Variants in PDE4D observed in about 807,000 individuals in gnomAD.
PDE4D encodes the protein 3',5'-cyclic-AMP phosphodiesterase 4D.
In PDE4D, 24 loss-of-function variants were observed where a neutral mutation model predicts 87.4. That is an observed-to-expected ratio of 0.27 (90% CI 0.20 to 0.39). PDE4D has a LOEUF of 0.39. PDE4D is among the 10% of genes least tolerant of loss of function. The pLI is 1.00. For synonymous variants in PDE4D, 384 were observed against 383.2 expected (o/e 1.00, Z -0.02); for missense variants, 714 against 1,041.0 (o/e 0.69, Z 4.32).
chr5:59,459,936 T>C (rs1233625941), intron 1 of PDE4D, among the ~76,000 whole-genome samples: 3 of 152,104 alleles, frequency 2.0e-5, no homozygotes, highest in African/African-American at 4.8e-5. Context: ...TGTTAAGACA[T>C]AAAACCAAGA....
At chr5:59,595,405 C>A (rs1284737259) in intron 1 of PDE4D, among the ~76,000 whole-genome samples, 1 of 152,156 alleles carries the variant, frequency 6.6e-6, no homozygotes, top group African/African-American at 2.4e-5. Context: ...AGAAGCAAGT[C>A]ATCCATAATT....
At chr5:59,315,053 T>C (rs1309010518) in intron 1 of PDE4D, among the ~76,000 whole-genome samples, 1 of 152,148 alleles carries the variant, frequency 6.6e-6, no homozygotes, top group Non-Finnish European at 1.5e-5. Flanking sequence ...ATCCAATCTG[T>C]GAGATGGGAG....
intron 6 of PDE4D, among the ~76,000 whole-genome samples, chr5:59,004,943 G>T (rs1028048998): frequency 1.3e-5 from 2 of 152,186 alleles, no homozygotes. Flanking sequence ...CTCATCCAGG[G>T]TGGAGGATCT....
At chr5:59,127,267 TTCA>T (rs776824264) in intron 5 of PDE4D, among the ~76,000 whole-genome samples, 10 of 152,222 alleles carry the variant, frequency 6.6e-5, no homozygotes, top group Non-Finnish European at 1.0e-4. Flanking sequence ...TTGTAATCTC[TTCA>T]TCAACACACA....
intron 1 of PDE4D, among the ~76,000 whole-genome samples, chr5:59,445,355 G>A (rs1229610664): frequency 6.6e-6 from 1 of 152,080 alleles, no homozygotes; most frequent in Admixed American, 6.5e-5. Flanking sequence ...CTCCCCCAAT[G>A]GTACTGACAT....
At chr5:60,384,837 G>C (rs1029495677) in intron 1 of PDE4D, among the ~76,000 whole-genome samples, 4 of 152,114 alleles carry the variant, frequency 2.6e-5, no homozygotes, top group African/African-American at 9.7e-5. Context: ...ACTGTCCATG[G>C]AAATACCTCA....
At chr5:60,177,817 G>A (rs1280426541) in intron 2 of PDE4D, among the ~76,000 whole-genome samples, 1 of 152,100 alleles carries the variant, frequency 6.6e-6, no homozygotes, top group Non-Finnish European at 1.5e-5. Flanking sequence ...TTCACCCAAA[G>A]TCATGTAACG....
intron 1 of PDE4D, among the ~76,000 whole-genome samples, chr5:59,374,896 G>A (rs1784465102): frequency 6.6e-6 from 1 of 152,142 alleles, no homozygotes; most frequent in African/African-American, 2.4e-5. Context: ...CAATTACATG[G>A]AAATTGAATG....
At chr5:60,465,352 T>C (rs1161004315) in intron 1 of PDE4D, among the ~76,000 whole-genome samples, 1 of 152,176 alleles carries the variant, frequency 6.6e-6, no homozygotes, top group Non-Finnish European at 1.5e-5. Context: ...TCACCCTCCA[T>C]AAGTCAAGAC....
chr5:59,708,486 C>T (rs1234055865), intron 1 of PDE4D, among the ~76,000 whole-genome samples: 1 of 152,098 alleles, frequency 6.6e-6, no homozygotes, highest in Non-Finnish European at 1.5e-5. Flanking sequence ...ATGTAAGACG[C>T]TTATCACAAT....
chr5:59,000,392 T>C (rs1364612918), intron 6 of PDE4D, among the ~76,000 whole-genome samples: 2 of 152,216 alleles, frequency 1.3e-5, no homozygotes, highest in Non-Finnish European at 2.9e-5. Context: ...GAAATGACTG[T>C]AGTTCTCCCC....
intron 2 of PDE4D, among the ~76,000 whole-genome samples, chr5:60,072,243 T>C (rs960738148): frequency 6.6e-6 from 1 of 152,232 alleles, no homozygotes; most frequent in Non-Finnish European, 1.5e-5. Context: ...TCTCGTGGTT[T>C]TGACTTGCAT....
chr5:59,322,312 G>A (rs1774865471), intron 1 of PDE4D, among the ~76,000 whole-genome samples: 1 of 152,084 alleles, frequency 6.6e-6, no homozygotes, highest in Non-Finnish European at 1.5e-5. Context: ...AACCTCTAGA[G>A]GAATGAACTG....
chr5:59,693,361 T>A (rs11949859), intron 1 of PDE4D, among the ~76,000 whole-genome samples: 1 of 151,950 alleles, frequency 6.6e-6, no homozygotes, highest in African/African-American at 2.4e-5. Context: ...ACCTGCAATG[T>A]TTTCCACTGC....
At chr5:60,517,652 CCT>C (rs1008566516) in intron 1 of PDE4D, among the ~76,000 whole-genome samples, 15 of 148,906 alleles carry the variant, frequency 1.0e-4, no homozygotes, top group African/African-American at 3.4e-4. Context: ...CTGTGGGTCT[CCT>C]CTCTCTTGAG....
chr5:59,867,343 A>G (rs190072786), intron 1 of PDE4D, among the ~76,000 whole-genome samples: 5 of 148,168 alleles, frequency 3.4e-5, no homozygotes, highest in African/African-American at 1.2e-4. Context: ...GACTTCAGCT[A>G]AAAAAAAAAG....
chr5:59,624,790 A>C (rs1442106350), intron 1 of PDE4D, among the ~76,000 whole-genome samples: 1 of 152,194 alleles, frequency 6.6e-6, no homozygotes, highest in Non-Finnish European at 1.5e-5. Context: ...TGCCTCTATC[A>C]ATTCTGATTG....
chr5:60,160,756 C>T (rs1405404577), intron 2 of PDE4D: 1 of 443,750 alleles, frequency 2.3e-6, no homozygotes, highest in Non-Finnish European at 4.5e-6. Context: ...ACCAGAAATA[C>T]TTCTTCTCTC....
chr5:59,425,075 G>A (rs1795005858), intron 1 of PDE4D, among the ~76,000 whole-genome samples: 1 of 152,140 alleles, frequency 6.6e-6, no homozygotes, highest in African/African-American at 2.4e-5. Flanking sequence ...AATAAGCCCT[G>A]AAAATGCAGT....
Sources: gnomAD v4.1 joint callset for allele counts (sites outside exome capture counted in the v4.1 genomes callset) on GRCh38, gnomAD v4.1.1 for gene constraint, MANE v1.5 for transcripts, NCBI Gene and HGNC (gene_info 2026-07-23, HGNC 2026-07-21) for gene names.